PRKCH: variants seen among roughly 807,000 people sequenced by gnomAD.
PRKCH encodes the protein protein kinase C eta, also known as protein kinase C eta type.
Under a neutral mutation model 82.5 loss-of-function variants are expected in PRKCH, and 28 were observed. The ratio of observed to expected loss-of-function variants is 0.34; its 90% confidence interval spans 0.25 to 0.47. PRKCH has a LOEUF of 0.47. Ranked by LOEUF, PRKCH falls within the 20% of genes least tolerant of loss-of-function variation. The pLI, the probability that PRKCH is intolerant of heterozygous loss-of-function variation, is 1.00. For missense variants in PRKCH, 705 were observed against 881.8 expected, an observed-to-expected ratio of 0.80 and a Z score of 2.54; for synonymous variants, 322 against 327.4, an observed-to-expected ratio of 0.98 and a Z score of 0.18.
chr14:61,346,356 A>G (rs977868134), intron 1 of PRKCH, among the ~76,000 whole-genome samples: 1 of 152,190 alleles, frequency 6.6e-6, no homozygotes, highest in Admixed American at 6.5e-5. Flanking sequence ...GTGAATTCCT[A>G]GGTAAAGTCA....
At chr14:61,381,105 T>A (rs112348008) in intron 1 of PRKCH, among the ~76,000 whole-genome samples, 2,299 of 152,286 alleles carry the variant, frequency 0.015, 61 homozygotes, top group African/African-American at 0.052. Flanking sequence ...ACTTGGAACC[T>A]TAGAATATCA....
intron 1 of PRKCH, among the ~76,000 whole-genome samples, chr14:61,327,552 C>T (rs1424229217): frequency 6.6e-6 from 1 of 152,224 alleles, no homozygotes; most frequent in Non-Finnish European, 1.5e-5. Flanking sequence ...GGACCGGCTG[C>T]TTCTCATCAC....
intron 1 of PRKCH, among the ~76,000 whole-genome samples, chr14:61,200,113 G>C (rs996961881): frequency 6.6e-6 from 1 of 152,102 alleles, no homozygotes. Flanking sequence ...AATGACTAAA[G>C]GACAAGACTG....
At chr14:61,396,866 G>T (rs977795380) in intron 2 of PRKCH, among the ~76,000 whole-genome samples, 11 of 152,126 alleles carry the variant, frequency 7.2e-5, no homozygotes, top group African/African-American at 2.2e-4. Flanking sequence ...TCAGTTTGTT[G>T]GTTACACCAG....
intron 6 of PRKCH, among the ~76,000 whole-genome samples, chr14:61,452,611 G>A (rs1267894249): frequency 1.3e-5 from 2 of 152,198 alleles, no homozygotes; most frequent in African/African-American, 4.8e-5. Context: ...TTTAAAAGTT[G>A]CCTTTCCCCA....
intron 1 of PRKCH, among the ~76,000 whole-genome samples, chr14:61,316,210 T>C (rs2045561096): frequency 6.6e-6 from 1 of 152,194 alleles, no homozygotes; most frequent in African/African-American, 2.4e-5. Context: ...ATGTACACTG[T>C]CAAACTGCCC....
intron 10 of PRKCH, among the ~76,000 whole-genome samples, chr14:61,498,693 A>G (rs1307362814): frequency 2.0e-5 from 3 of 152,166 alleles, no homozygotes; most frequent in Non-Finnish European, 1.5e-5. Flanking sequence ...GAGAGAGCAC[A>G]GGCTTTCTGG....
chr14:61,544,664 G>C (rs191052828), intron 12 of PRKCH: 1 of 152,204 alleles, frequency 6.6e-6, no homozygotes, highest in African/African-American at 2.4e-5. Flanking sequence ...TTGGCAGACT[G>C]TAGGATCTCA....
At chr14:61,473,981 G>A (rs3783781) in intron 9 of PRKCH, among the ~76,000 whole-genome samples, 101,395 of 148,868 alleles carry the variant, frequency 0.68, 34,539 homozygotes, top group Middle Eastern at 0.76. Flanking sequence ...GCAACAGAGC[G>A]AGACTCTGTC....
At chr14:61,311,292 G>C (rs1052935411) in intron 1 of PRKCH, among the ~76,000 whole-genome samples, 2 of 152,086 alleles carry the variant, frequency 1.3e-5, no homozygotes, top group African/African-American at 2.4e-5. Context: ...TTTATGCTCT[G>C]CTTCCCTTTT....
chr14:61,428,042 T>TATAGATAGATAGATAGATAG (rs1166349303), intron 2 of PRKCH, among the ~76,000 whole-genome samples: 9 of 121,894 alleles, frequency 7.4e-5, no homozygotes, highest in East Asian at 2.5e-4. Context: ...AATATATATA[T>TATAGATAGATAGATAGATAG]ATAGATAGAT....
At chr14:61,360,871 T>A (rs1294600386) in intron 1 of PRKCH, among the ~76,000 whole-genome samples, 1 of 152,230 alleles carries the variant, frequency 6.6e-6, no homozygotes, top group African/African-American at 2.4e-5. Flanking sequence ...TACACTTGGA[T>A]ACCAGTACCC....
At chr14:61,279,865 A>C in intron 1 of PRKCH, 3 of 547,124 alleles carry the variant, frequency 5.5e-6, no homozygotes, top group South Asian at 2.3e-5. Flanking sequence ...GGAGGTGGGA[A>C]GAGTTTGCAA....
chr14:61,432,379 C>T (rs1883449466), intron 2 of PRKCH, among the ~76,000 whole-genome samples: 1 of 152,078 alleles, frequency 6.6e-6, no homozygotes, highest in Admixed American at 6.5e-5. Context: ...CGAACATTTC[C>T]CTCCTTCTTC....
chr14:61,406,570 G>A (rs527893075), intron 2 of PRKCH, among the ~76,000 whole-genome samples: 43 of 152,266 alleles, frequency 2.8e-4, no homozygotes, highest in African/African-American at 9.9e-4. Context: ...CAGTTTTTTC[G>A]TAGTATATAT....
At chr14:61,395,251 T>C (rs2046757168) in intron 2 of PRKCH, among the ~76,000 whole-genome samples, 1 of 147,722 alleles carries the variant, frequency 6.8e-6, no homozygotes, top group African/African-American at 2.5e-5. Flanking sequence ...GCAGAGGACG[T>C]GATGGCTGCC....
intron 10 of PRKCH, among the ~76,000 whole-genome samples, chr14:61,519,830 C>T (rs1012948166): frequency 1.3e-5 from 2 of 150,224 alleles, no homozygotes; most frequent in East Asian, 1.9e-4. Flanking sequence ...ATGCCATCCA[C>T]GACAATCATA....
At chr14:61,485,921 A>G (rs1198306477) in intron 10 of PRKCH, among the ~76,000 whole-genome samples, 1 of 152,140 alleles carries the variant, frequency 6.6e-6, no homozygotes, top group Admixed American at 6.5e-5. Context: ...ACCACTACAC[A>G]TGGCTAATTT....
At chr14:61,207,760 A>T (rs1023686047) in intron 1 of PRKCH, among the ~76,000 whole-genome samples, 1 of 152,222 alleles carries the variant, frequency 6.6e-6, no homozygotes, top group Non-Finnish European at 1.5e-5. Flanking sequence ...ATCAATACAG[A>T]TAAGGAAGGT....
Sources: gnomAD v4.1 joint callset for allele counts (sites outside exome capture counted in the v4.1 genomes callset) on GRCh38, gnomAD v4.1.1 for gene constraint, MANE v1.5 for transcripts, NCBI Gene and HGNC (gene_info 2026-07-23, HGNC 2026-07-21) for gene names.